The following TNNI3K variants were observed in gnomAD, a reference collection of about 807,000 sequenced individuals.
TNNI3K encodes the protein serine/threonine-protein kinase TNNI3K.
Under a neutral mutation model 114.5 loss-of-function variants are expected in TNNI3K, and 140 were observed. The observed-to-expected ratio is 1.22, with a 90% CI of 1.07 to 1.41. TNNI3K has a LOEUF of 1.41. TNNI3K is among the 40% of genes most tolerant of loss of function. The probability of loss-of-function intolerance (pLI) is 0.00; values close to 1 mark genes in which losing one functional copy is unlikely to be tolerated. For synonymous variants in TNNI3K, 347 were observed against 347.5 expected, an observed-to-expected ratio of 1.00 and a Z score of 0.02; for missense variants, 1,125 against 1,007.6, an observed-to-expected ratio of 1.12 and a Z score of -1.58.
At chr1:74,363,590 G>T (rs941394087) in intron 11 of TNNI3K, among the ~76,000 whole-genome samples, 31 of 151,930 alleles carry the variant, frequency 2.0e-4, no homozygotes, top group African/African-American at 7.0e-4. Context: ...TCAGGATTCA[G>T]GATGCAACTT....
intron 5 of TNNI3K, among the ~76,000 whole-genome samples, chr1:74,319,745 G>T (rs1489035815): frequency 5.9e-5 from 9 of 152,194 alleles, no homozygotes; most frequent in Non-Finnish European, 1.3e-4. Context: ...TACCTTGGAA[G>T]TCATGCAGGG....
chr1:74,459,530 A>G (rs895099862), intron 20 of TNNI3K, among the ~76,000 whole-genome samples: 1 of 152,214 alleles, frequency 6.6e-6, no homozygotes, highest in Admixed American at 6.5e-5. Flanking sequence ...TAGAATTAAC[A>G]ACTGAACCAT....
intron 17 of TNNI3K, among the ~76,000 whole-genome samples, chr1:74,431,428 T>C (rs536025782): frequency 6.6e-6 from 1 of 152,242 alleles, no homozygotes; most frequent in African/African-American, 2.4e-5. Context: ...ATTATGTACC[T>C]TGATCTTTCT....
chr1:74,416,675 T>C, intron 17 of TNNI3K: 1 of 571,178 alleles, frequency 1.8e-6, no homozygotes, highest in Non-Finnish European at 2.2e-6. Flanking sequence ...TTTTTTTTCT[T>C]ATTCTTACAT....
Position 74,249,519 on chromosome 1 carries a change from A to C in TNNI3K, c.210A>C (p.Leu70=), listed in dbSNP as rs776968731. The C allele has an allele frequency of 1.9e-6, 3 of 1,613,370 alleles. No homozygotes were observed. The African/African-American group carries it at 4.0e-5, about 22-fold the overall frequency. Residue 70 remains leucine (L), a synonymous_variant, in exon 3 of 25, where the codon CTA becomes CTC. Transcript: ENST00000326637. ...ACCGCACTGAAAATGGGCTGTCTCT[A>C]CTTCATTTATGTTGCATTTGTGGAG... ...LNYRTENGLS[L]LHLCCICGGK... is the part of the protein sequence containing the mutation.
At position 74,295,540 on chromosome 1, in the gene TNNI3K, C is replaced by T. The variant is rs1204411622; in HGVS notation, c.444+23832C>T. Among the ~76,000 whole-genome samples the T allele has an allele frequency of 3.9e-5, 6 of 151,962 alleles. No homozygotes were observed. In the East Asian group the frequency reaches 9.6e-4, roughly 24 times the overall value. ...ATTTTAAGCCTATAGTAATAAAATG[C>T]CTGTTGATTTAGAATTGCTATATTT... On this transcript the variant is annotated intron_variant, in intron 5 of 24. Transcript: ENST00000326637.
At chr1:74,422,769 A>T (rs573151282) in intron 17 of TNNI3K, among the ~76,000 whole-genome samples, 1 of 152,136 alleles carries the variant, frequency 6.6e-6, no homozygotes, top group Admixed American at 6.6e-5. Flanking sequence ...GACAAAAAAA[A>T]ACCCACTAAA....
At chr1:74,324,629 A>G (rs1356615260) in intron 5 of TNNI3K, among the ~76,000 whole-genome samples, 3 of 152,156 alleles carry the variant, frequency 2.0e-5, no homozygotes, top group Non-Finnish European at 4.4e-5. Flanking sequence ...AGCACACCTT[A>G]CAGGGCCAGT....
At chr1:74,351,466 A>G (rs987981595) in intron 9 of TNNI3K, among the ~76,000 whole-genome samples, 140 of 151,224 alleles carry the variant, frequency 9.3e-4, no homozygotes, top group African/African-American at 3.3e-3. Flanking sequence ...CTTCTCGGGG[A>G]GTATCTTTGT....
intron 17 of TNNI3K, among the ~76,000 whole-genome samples, chr1:74,379,339 AC>A (rs1557531937): frequency 1.4e-5 from 2 of 138,720 alleles, no homozygotes; most frequent in East Asian, 4.6e-4. Context: ...ACGCGCGCAC[AC>A]ACACACACAC....
At chr1:74,266,639 A>G (rs1243634575) in intron 4 of TNNI3K, among the ~76,000 whole-genome samples, 1 of 151,942 alleles carries the variant, frequency 6.6e-6, no homozygotes, top group Admixed American at 6.6e-5. Context: ...TAGAGTTGAA[A>G]TTTTTTTGTT....
chr1:74,370,240 A>T (rs1200388817), intron 16 of TNNI3K, 48 bp from the exon 17 acceptor site: 7 of 1,483,606 alleles, frequency 4.7e-6, no homozygotes, highest in Admixed American at 4.3e-5. Context: ...CTTTTTTGAT[A>T]TTCGTTTTGA....
rs374923741 is a variant in TNNI3K at position 74,235,538 on chromosome 1, A to G, written c.40+47A>G. ...ATTTCCTTAAGTGTAATATGGTTCA[A>G]TTATAGTTACTGATAACTAACAACT... On this transcript the variant is annotated intron_variant, in intron 1 of 24. Coordinates refer to ENST00000326637, the MANE Select transcript of TNNI3K (RefSeq NM_015978.3). The G allele has an allele frequency of 2.6e-5, 27 of 1,055,614 alleles. No individual in the cohort carries two copies. The African/African-American group carries it at 4.0e-4, about 16-fold the overall frequency. The allele number at this position is 1,055,614 out of a possible 1,614,324, so 65.4% of individuals were successfully genotyped here. A position where few individuals can be genotyped will look rare whatever the true frequency, so the allele number is the denominator to read the frequency against.
chr1:74,417,759 G>A (rs542246292), intron 17 of TNNI3K, among the ~76,000 whole-genome samples: 26 of 151,560 alleles, frequency 1.7e-4, no homozygotes, highest in Admixed American at 5.9e-4. Context: ...AGAGATGAGA[G>A]AGAGAAAAGA....
At chr1:74,402,661 T>C (rs2100593812) in intron 17 of TNNI3K, among the ~76,000 whole-genome samples, 1 of 152,362 alleles carries the variant, frequency 6.6e-6, no homozygotes, top group Non-Finnish European at 1.5e-5. Flanking sequence ...AACCCACTTC[T>C]GAACTATTCA....
At chr1:74,380,285 C>T (rs1663133559) in intron 17 of TNNI3K, among the ~76,000 whole-genome samples, 1 of 152,138 alleles carries the variant, frequency 6.6e-6, no homozygotes, top group African/African-American at 2.4e-5. Context: ...TCCTGCGATA[C>T]CAACATTTAC....
chr1:74,271,443 T>G (rs1188003299), intron 4 of TNNI3K, among the ~76,000 whole-genome samples, 155 bp from the exon 5 acceptor site: 1 of 151,958 alleles, frequency 6.6e-6, no homozygotes, highest in African/African-American at 2.4e-5. Context: ...AGAACTATTC[T>G]CTGGTATCTA....
chr1:74,487,376 AG>A (rs557533942), intron 21 of TNNI3K, among the ~76,000 whole-genome samples: 3 of 152,152 alleles, frequency 2.0e-5, no homozygotes, highest in Admixed American at 6.6e-5. Context: ...AGAGAGGAAA[AG>A]GTACAAAATA....
At chr1:74,483,642 A>G (rs1668608444) in intron 21 of TNNI3K, among the ~76,000 whole-genome samples, 1 of 152,258 alleles carries the variant, frequency 6.6e-6, no homozygotes, top group Admixed American at 6.5e-5. Context: ...ACTTTGCAAA[A>G]CAATGTATAG....
Sources: allele counts gnomAD v4.1 joint callset (sites outside exome capture counted in the v4.1 genomes callset), GRCh38; gene constraint gnomAD v4.1.1; transcripts MANE v1.5; gene names NCBI Gene and HGNC (gene_info 2026-07-23, HGNC 2026-07-21).